MYO18B: variants seen among roughly 807,000 people sequenced by gnomAD.
MYO18B encodes the protein unconventional myosin-XVIIIb.
MYO18B carries 204 observed loss-of-function variants against 273.0 expected under a neutral mutation model. The ratio of observed to expected loss-of-function variants is 0.75; its 90% confidence interval spans 0.67 to 0.84. The LOEUF is 0.84. MYO18B is among the 40% of genes least tolerant of loss of function. The probability of loss-of-function intolerance (pLI) is 0.00; values close to 1 mark genes in which losing one functional copy is unlikely to be tolerated. For synonymous variants in MYO18B, 1,330 were observed against 1,305.7 expected, an observed-to-expected ratio of 1.02 and a Z score of -0.40; for missense variants, 3,212 against 3,287.6, an observed-to-expected ratio of 0.98 and a Z score of 0.56.
chr22:26,015,755 T>C (rs930009994), intron 42 of MYO18B, among the ~76,000 whole-genome samples: 1 of 152,186 alleles, frequency 6.6e-6, no homozygotes, highest in Non-Finnish European at 1.5e-5. Context: ...CCCTGTGACA[T>C]GAGTTTACCT....
intron 14 of MYO18B, among the ~76,000 whole-genome samples, chr22:25,827,011 G>A (rs1272725422): frequency 1.3e-5 from 2 of 152,146 alleles, no homozygotes; most frequent in South Asian, 2.1e-4. Flanking sequence ...TCAGTGAGCC[G>A]AGATCGCGCC....
intron 39 of MYO18B, among the ~76,000 whole-genome samples, chr22:25,990,011 A>G (rs982250976): frequency 6.6e-6 from 1 of 152,114 alleles, no homozygotes; most frequent in African/African-American, 2.4e-5. Context: ...GGTGGCTTCA[A>G]TCAACTGGGA....
At chr22:25,999,103 A>G (rs184632020) in intron 40 of MYO18B, among the ~76,000 whole-genome samples, 112 of 152,334 alleles carry the variant, frequency 7.4e-4, no homozygotes, top group South Asian at 1.5e-3. Flanking sequence ...GGCTCCTACC[A>G]TTATTCTTCC....
chr22:25,888,631 G>A (rs1197402320), intron 25 of MYO18B, among the ~76,000 whole-genome samples: 1 of 120,788 alleles, frequency 8.3e-6, no homozygotes, highest in African/African-American at 4.7e-5. Context: ...CACGGTGTAA[G>A]GAACAGCAAG....
At chr22:26,015,348 A>G (rs1429729979) in intron 42 of MYO18B, among the ~76,000 whole-genome samples, 1 of 152,220 alleles carries the variant, frequency 6.6e-6, no homozygotes, top group African/African-American at 2.4e-5. Flanking sequence ...ACACATGCAT[A>G]TATATGGTTC....
At chr22:26,050,597 C>T in the MYO18B span, among the ~76,000 whole-genome samples, 1 of 152,150 alleles carries the variant, frequency 6.6e-6, no homozygotes, top group Non-Finnish European at 1.5e-5. Flanking sequence ...ATTTTCTCGA[C>T]AGGGCACGTA....
At position 25,769,169 on chromosome 22, in the gene MYO18B, C is replaced by T. The variant is rs1342102044; in HGVS notation, c.1253C>T (p.Ala418Val). The T allele has an allele frequency of 6.2e-7, 1 of 1,612,552 alleles. No homozygotes were observed. Among genetic ancestry groups the T allele is most frequent in the Non-Finnish European group, 8.5e-7 (1 of 1,179,360 alleles). Residue 418 changes from alanine to valine, a missense_variant, in exon 4 of 44, where the codon GCC becomes GTC. Transcript: ENST00000335473. Reference protein sequence around the residue: ...ARSQTEKGCEAPKEVSTMVES... With the variant: ...ARSQTEKGCEVPKEVSTMVES... ...AGTCAGACAGAGAAGGGCTGTGAAG[C>T]CCCAAAGGAGGTGAGCACAATGGTG... is the stretch of plus-strand genomic sequence containing the variant.
chr22:25,765,999 G>A lies in MYO18B; in HGVS notation c.199-2116G>A, dbSNP rs149861668. On this transcript the variant is annotated intron_variant, in intron 3 of 43. Coordinates refer to ENST00000335473, the MANE Select transcript of MYO18B (RefSeq NM_032608.7). ...TTGGGCCCCAGAGCCATGATGCTGA[G>A]CACCAGCTGAACCTCGTAATCACCC... Among the ~76,000 whole-genome samples, 4 of 152,318 alleles carry A rather than the reference G, an allele frequency of 2.6e-5. No homozygotes were observed. In the East Asian group the frequency reaches 7.7e-4, roughly 29 times the overall value.
In MYO18B at chr22:26,027,863, C is replaced by T. The variant is rs1936380128; in HGVS notation, c.*12+173C>T. On this transcript the variant is annotated intron_variant, in intron 43 of 43. Coordinates refer to ENST00000335473, the MANE Select transcript of MYO18B (RefSeq NM_032608.7). This position sits in a 1 kb window ranked among gnomAD's most constrained non-coding sequence, Gnocchi z 4.1. ...TGATGGATGCAAAGCTTTTCAGAAC[C>T]CCTCTGCTGGGTACCTCTACTTCCT... is the stretch of plus-strand genomic sequence containing the variant. 2 of 651,048 alleles carry T rather than the reference C, an allele frequency of 3.1e-6. No individual in the cohort carries two copies. The highest frequency in any genetic ancestry group is 5.1e-6 in the Non-Finnish European group (2 of 391,742). 40.3% of individuals were successfully genotyped at this position (651,048 alleles called of 1,614,324 possible). A position where few individuals can be genotyped will look rare whatever the true frequency, so the allele number is the denominator to read the frequency against.
intron 27 of MYO18B, among the ~76,000 whole-genome samples, chr22:25,892,791 TAGAG>T (rs1011224813): frequency 3.3e-5 from 5 of 152,166 alleles, no homozygotes; most frequent in African/African-American, 1.2e-4. Flanking sequence ...AGGGTACACA[TAGAG>T]AGAGGGGAAC....
intron 6 of MYO18B, among the ~76,000 whole-genome samples, 183 bp downstream of exon 6, chr22:25,771,167 G>C (rs560506848): frequency 1.3e-5 from 2 of 152,334 alleles, no homozygotes; most frequent in South Asian, 4.1e-4. Flanking sequence ...CTCTACTGGA[G>C]GGGTACTATT....
intron 35 of MYO18B, 59 bp from the exon 36 acceptor site, chr22:25,947,653 C>A: frequency 7.6e-7 from 1 of 1,323,306 alleles, no homozygotes. Context: ...TTCCTCTGGA[C>A]CTTGCTGCCC....
rs749666378 is a variant in MYO18B at position 25,903,721 on chromosome 22, G to C, written c.5038G>C (p.Glu1680Gln). 6.2e-7 allele frequency: 1 copy of C among 1,608,064 alleles called. No individual in the cohort carries two copies. The highest frequency in any genetic ancestry group is 1.1e-5 in the South Asian group (1 of 89,450). ...GCTGCTGGGGTCACCCTCTCTGGGG[G>C]AAAATTGCGTTGCTGGCTTGAAGGA... The part of the protein sequence containing the change: ...RELLGSPSLG[E>Q]NCVAGLKERL... The change falls in exon 31 of 44, where the codon GAA becomes CAA. Residue 1680 changes from glutamate to glutamine, a missense_variant. Physicochemically the swap from Glu to Gln is conservative, Grantham distance 29. Transcript: ENST00000335473.
chr22:25,984,941 A>T (rs1350109627), intron 39 of MYO18B, among the ~76,000 whole-genome samples: 1 of 152,184 alleles, frequency 6.6e-6, no homozygotes. Context: ...GGTCTCTGCT[A>T]TGATTGATTA....
At chr22:25,756,903 A>G (rs1472741601) in intron 1 of MYO18B, among the ~76,000 whole-genome samples, 1 of 152,094 alleles carries the variant, frequency 6.6e-6, no homozygotes, top group Non-Finnish European at 1.5e-5. Flanking sequence ...TCTACTGAAA[A>G]TACAAAAATT....
chr22:25,804,217 C>G (rs988518589), intron 12 of MYO18B, among the ~76,000 whole-genome samples: 5 of 152,170 alleles, frequency 3.3e-5, no homozygotes, highest in African/African-American at 1.2e-4. Flanking sequence ...GTCTCTCCAC[C>G]TGGCCACCAG....
chr22:25,910,976 G>T lies in MYO18B; in HGVS notation c.5290G>T (p.Glu1764Ter). ...TCAGCTGGAAATGCAGCTGGAGCAA[G>T]AGTATGAAGAGAAGCAGATGGTCCT... ...LHQLEMQLEQ[E>*]YEEKQMVLHE... Residue 1764 changes from glutamate (E) to a stop codon, truncating the protein, a stop_gained, in exon 33 of 44, where the codon GAG becomes TAG. Coordinates refer to ENST00000335473, the MANE Select transcript of MYO18B (RefSeq NM_032608.7). LOFTEE classifies it high-confidence loss of function. 1 of 1,601,926 alleles carries T rather than the reference G, an allele frequency of 6.2e-7. No individual in the cohort carries two copies. The highest frequency in any genetic ancestry group is 8.5e-7 in the Non-Finnish European group (1 of 1,174,330).
chr22:25,931,026 G>C (rs762503547), intron 34 of MYO18B, among the ~76,000 whole-genome samples: 13 of 152,178 alleles, frequency 8.5e-5, no homozygotes, highest in Non-Finnish European at 1.5e-4. Flanking sequence ...AGTAAGCACT[G>C]GGAAGATGAC....
the MYO18B span, among the ~76,000 whole-genome samples, chr22:26,045,326 C>G: frequency 6.6e-6 from 1 of 152,034 alleles, no homozygotes; most frequent in Non-Finnish European, 1.5e-5. Flanking sequence ...GCTGGGTCAT[C>G]CGAGAAACAG....
Sources: allele counts gnomAD v4.1 joint callset (sites outside exome capture counted in the v4.1 genomes callset), GRCh38; gene constraint gnomAD v4.1.1; non-coding constraint Gnocchi (gnomAD v3.1); transcripts MANE v1.5; gene names NCBI Gene and HGNC (gene_info 2026-07-23, HGNC 2026-07-21).